HS2ST1: variants seen among roughly 807,000 people sequenced by gnomAD.
HS2ST1 encodes heparan sulfate 2-O-sulfotransferase 1.
A neutral mutation model predicts 42.9 loss-of-function variants in HS2ST1; 18 were observed. The observed-to-expected ratio is 0.42, with a 90% CI of 0.29 to 0.62. The LOEUF is 0.62. Ranked by LOEUF, HS2ST1 falls within the 20% of genes least tolerant of loss-of-function variation. The probability of loss-of-function intolerance (pLI) is 0.21; values close to 1 mark genes in which losing one functional copy is unlikely to be tolerated. For missense variants in HS2ST1, 334 were observed against 433.8 expected (o/e 0.77, Z 2.04); for synonymous variants, 146 against 152.9 (o/e 0.95, Z 0.33).
At chr1:86,976,862 G>T (rs912915830) in intron 1 of HS2ST1, among the ~76,000 whole-genome samples, 1 of 151,464 alleles carries the variant, frequency 6.6e-6, no homozygotes, top group East Asian at 2.0e-4. Flanking sequence ...CTTGAGGCCA[G>T]AAGTTCCAGT....
chr1:86,997,263 G>C (rs1649131144), intron 1 of HS2ST1, among the ~76,000 whole-genome samples: 1 of 152,134 alleles, frequency 6.6e-6, no homozygotes, highest in African/African-American at 2.4e-5. Context: ...CTGCATATAA[G>C]TTCTCCTTCA....
intron 6 of HS2ST1, among the ~76,000 whole-genome samples, 182 bp from the exon 7 acceptor site, chr1:87,104,288 A>G (rs1228622283): frequency 2.6e-5 from 4 of 152,140 alleles, no homozygotes; most frequent in Admixed American, 2.6e-4. Flanking sequence ...TTAACATTCT[A>G]AAGGACTGAA....
chr1:87,086,921 A>AATT (rs34720817), intron 3 of HS2ST1, among the ~76,000 whole-genome samples: 124,402 of 151,242 alleles, frequency 0.82, 51,344 homozygotes, highest in East Asian at 0.97. Flanking sequence ...TGTAGATATA[A>AATT]ATTATTATAA....
chr1:86,944,883 T>C (rs112739814), intron 1 of HS2ST1, among the ~76,000 whole-genome samples: 124 of 151,984 alleles, frequency 8.2e-4, no homozygotes, highest in African/African-American at 2.8e-3. Flanking sequence ...CTCCTGGGTA[T>C]ACTAGATACT....
chr1:87,051,519 G>A (rs183025170), intron 1 of HS2ST1, among the ~76,000 whole-genome samples: 7 of 152,232 alleles, frequency 4.6e-5, no homozygotes, highest in African/African-American at 1.4e-4. Context: ...ATATTAAAAT[G>A]TCTATTGTAT....
At chr1:87,037,558 A>T (rs1277861429) in intron 1 of HS2ST1, among the ~76,000 whole-genome samples, 1 of 151,730 alleles carries the variant, frequency 6.6e-6, no homozygotes, top group African/African-American at 2.4e-5. Context: ...TTACATCAAT[A>T]ATATGTCTTT....
intron 2 of HS2ST1, among the ~76,000 whole-genome samples, chr1:87,074,247 A>AAGAAGTTCTTCTC (rs1016621284): frequency 5.9e-5 from 9 of 152,326 alleles, no homozygotes; most frequent in African/African-American, 2.2e-4. Flanking sequence ...CTCTTCTATG[A>AAGAAGTTCTTCTC]ATGAGAAGAA....
At chr1:86,955,447 A>G (rs1647650215) in intron 1 of HS2ST1, among the ~76,000 whole-genome samples, 1 of 152,078 alleles carries the variant, frequency 6.6e-6, no homozygotes, top group African/African-American at 2.4e-5. Context: ...TTTTATCCCG[A>G]AACCATTCCC....
intron 1 of HS2ST1, among the ~76,000 whole-genome samples, chr1:87,061,893 C>T (rs1431922822): frequency 6.6e-6 from 1 of 151,420 alleles, no homozygotes; most frequent in Non-Finnish European, 1.5e-5. Context: ...TCCTCACTAA[C>T]ATTTGTTATT....
intron 1 of HS2ST1, among the ~76,000 whole-genome samples, chr1:86,965,075 C>A (rs1570451524): frequency 6.6e-6 from 1 of 152,074 alleles, no homozygotes. Context: ...TTAAGTGATC[C>A]CCTTAATTTC....
At chr1:87,079,746 C>G (rs1217947867) in intron 2 of HS2ST1, among the ~76,000 whole-genome samples, 3 of 151,208 alleles carry the variant, frequency 2.0e-5, no homozygotes. Flanking sequence ...AGGACTTTAA[C>G]AATAGTAGAG....
intron 1 of HS2ST1, among the ~76,000 whole-genome samples, chr1:87,030,534 ACACG>A (rs1283721031): frequency 2.6e-5 from 4 of 152,212 alleles, no homozygotes; most frequent in Admixed American, 6.5e-5. Context: ...GCACACGCAC[ACACG>A]CACACACACA....
rs143817902 is a variant in HS2ST1 at position 87,038,005 on chromosome 1, T to C, written c.125-34929T>C. ...CCTAGAAATAAAATTGCATGGCATA[T>C]GACAGTGAAAATCTTTATATTGTTA... On this transcript the variant is annotated intron_variant, in intron 1 of 6. Transcript: ENST00000370550. 3.9e-3 allele frequency among the ~76,000 whole-genome samples: 589 copies of C among 152,190 alleles called. 4 individuals are homozygous for C. The highest frequency in any genetic ancestry group is 0.02 in the Middle Eastern group (6 of 294).
At chr1:86,999,139 G>A (rs1247354362) in intron 1 of HS2ST1, among the ~76,000 whole-genome samples, 2 of 152,006 alleles carry the variant, frequency 1.3e-5, no homozygotes, top group African/African-American at 4.8e-5. Context: ...CTTAGAGGCT[G>A]ATATAATCTG....
At chr1:87,018,751 C>T (rs1649836879) in intron 1 of HS2ST1, among the ~76,000 whole-genome samples, 3 of 152,118 alleles carry the variant, frequency 2.0e-5, no homozygotes, top group South Asian at 2.1e-4. Context: ...TTGGCCATTC[C>T]GTTTTAGTTC....
At chr1:87,067,766 A>T (rs1195808965) in intron 1 of HS2ST1, among the ~76,000 whole-genome samples, 1 of 152,146 alleles carries the variant, frequency 6.6e-6, no homozygotes, top group Admixed American at 6.6e-5. Context: ...GAAGGGGTCC[A>T]GTTTCAGTTC....
At chr1:87,059,624 T>G (rs77188122) in intron 1 of HS2ST1, among the ~76,000 whole-genome samples, 2,328 of 152,296 alleles carry the variant, frequency 0.015, 63 homozygotes, top group African/African-American at 0.053. Context: ...AGCCTTGAAG[T>G]CAGCTCACCT....
chr1:87,031,043 G>A (rs1326906665), intron 1 of HS2ST1, among the ~76,000 whole-genome samples: 1 of 152,068 alleles, frequency 6.6e-6, no homozygotes, highest in African/African-American at 2.4e-5. Flanking sequence ...GAGGTTAAGC[G>A]ATCCTTTCAC....
chr1:86,916,050 CA>C (rs2102147245), intron 1 of HS2ST1, among the ~76,000 whole-genome samples: 1 of 152,166 alleles, frequency 6.6e-6, no homozygotes, highest in South Asian at 2.1e-4. Context: ...GTCTAAAGTA[CA>C]AAAAGTTGGT....
Sources: gnomAD v4.1 joint callset for allele counts (sites outside exome capture counted in the v4.1 genomes callset) on GRCh38, gnomAD v4.1.1 for gene constraint, MANE v1.5 for transcripts, NCBI Gene and HGNC (gene_info 2026-07-23, HGNC 2026-07-21) for gene names.